The following TLCD4 variants were observed in gnomAD, a reference collection of about 807,000 sequenced individuals.
The protein encoded by TLCD4 is TLC domain containing 4.
TLCD4 carries 7 observed loss-of-function variants against 24.2 expected under a neutral mutation model. That is an observed-to-expected ratio of 0.29 (90% CI 0.16 to 0.54). The LOEUF is 0.54. Ranked by LOEUF, TLCD4 falls within the 20% of genes least tolerant of loss-of-function variation. The pLI, the probability that TLCD4 is intolerant of heterozygous loss-of-function variation, is 0.95. For missense variants in TLCD4, 259 were observed against 313.9 expected, an observed-to-expected ratio of 0.82 and a Z score of 1.32; for synonymous variants, 103 against 106.4, an observed-to-expected ratio of 0.97 and a Z score of 0.20.
Position 95,160,709 on chromosome 1 carries a change from T to G in TLCD4, c.399+9290T>G, listed in dbSNP as rs534312057. ...CCTAGTTTATTGAGAGTTTTTCGCA[T>G]GAAGGCTGTTGAATTTTGTCGAAGG... On this transcript the variant is annotated intron_variant, in intron 5 of 6. Transcript: ENST00000370203. 2.6e-5 allele frequency among the ~76,000 whole-genome samples: 4 copies of G among 152,368 alleles called. No individual in the cohort carries two copies. In the East Asian group the frequency reaches 7.7e-4, roughly 29 times the overall value.
chr1:95,138,462 A>G (rs1324363225), intron 1 of TLCD4: 1 of 152,194 alleles, frequency 6.6e-6, no homozygotes, highest in Non-Finnish European at 1.5e-5. Flanking sequence ...CAATGGGGAT[A>G]CATTCTAAGA....
At chr1:95,144,505 T>C (rs1677295743) in intron 2 of TLCD4, among the ~76,000 whole-genome samples, 1 of 152,140 alleles carries the variant, frequency 6.6e-6, no homozygotes, top group South Asian at 2.1e-4. Flanking sequence ...TCAGTGCATA[T>C]GAATCTTTTA....
chr1:95,157,986 A>G (rs1218945166), intron 5 of TLCD4, among the ~76,000 whole-genome samples: 1 of 152,126 alleles, frequency 6.6e-6, no homozygotes, highest in Non-Finnish European at 1.5e-5. Flanking sequence ...CACTATCCGT[A>G]TCTTGATTTG....
At position 95,196,878 on chromosome 1, in the gene TLCD4, C is replaced by T. The variant is rs1470896744; in HGVS notation, c.*5010C>T. ...CCTGCTTGGTTTGTTTCTGGTATGA[C>T]TATGTCTACTTTTTATTTAAGGAAT... On this transcript the variant is annotated 3_prime_UTR_variant, in exon 7 of 7. Coordinates refer to ENST00000370203, the MANE Select transcript of TLCD4 (RefSeq NM_152487.3). 3 of 152,024 alleles carry T rather than the reference C, an allele frequency of 2.0e-5. No homozygotes were observed. Among genetic ancestry groups the T allele is most frequent in the Non-Finnish European group, 4.4e-5 (3 of 68,004 alleles). 9.4% of individuals were successfully genotyped at this position (152,024 alleles called of 1,614,324 possible). A position where few individuals can be genotyped will look rare whatever the true frequency, so the allele number is the denominator to read the frequency against.
chr1:95,154,343 C>T (rs1677573634), intron 5 of TLCD4, among the ~76,000 whole-genome samples: 1 of 152,004 alleles, frequency 6.6e-6, no homozygotes, highest in Admixed American at 6.6e-5. Flanking sequence ...CCAGTCTAAT[C>T]TCCTTGTCAA....
At chr1:95,167,271 A>C (rs1462981293) in intron 5 of TLCD4, among the ~76,000 whole-genome samples, 1 of 152,132 alleles carries the variant, frequency 6.6e-6, no homozygotes, top group African/African-American at 2.4e-5. Flanking sequence ...TATTGTCATT[A>C]ACTGTCTCCG....
At chr1:95,124,453 C>T (rs925307142) in intron 1 of TLCD4, among the ~76,000 whole-genome samples, 8 of 152,118 alleles carry the variant, frequency 5.3e-5, no homozygotes, top group African/African-American at 1.7e-4. Context: ...TTTGCAATGG[C>T]CACATCCTGA....
chr1:95,130,067 T>TTTA lies in TLCD4; in HGVS notation c.-12+12452_-12+12454dup, dbSNP rs1434513941. Among the ~76,000 whole-genome samples the TTTA allele has an allele frequency of 7.2e-5, 11 of 152,346 alleles. No individual in the cohort carries two copies. The East Asian group carries it at 1.9e-3, about 27-fold the overall frequency. ...ACTATAACTGCAGTTAGCTGAGAGCTTTATATACATTCTTTTAGATGCTTA... is the reference window on the plus strand; with the variant it reads ...ACTATAACTGCAGTTAGCTGAGAGCTTTATTATATACATTCTTTTAGATGCTTA... On this transcript the variant is annotated intron_variant, in intron 1 of 6. Coordinates refer to ENST00000370203, the MANE Select transcript of TLCD4 (RefSeq NM_152487.3).
At chr1:95,124,289 A>G (rs1676651772) in intron 1 of TLCD4, among the ~76,000 whole-genome samples, 1 of 152,228 alleles carries the variant, frequency 6.6e-6, no homozygotes, top group Admixed American at 6.5e-5. Context: ...AGTTCTGGCT[A>G]TAAGCTTTCC....
At chr1:95,100,895 C>T in the TLCD4 span, among the ~76,000 whole-genome samples, 1 of 146,392 alleles carries the variant, frequency 6.8e-6, no homozygotes, top group Non-Finnish European at 1.5e-5. Context: ...ATTTATGCAA[C>T]TCAAAGGTCT....
intron 1 of TLCD4, among the ~76,000 whole-genome samples, chr1:95,136,804 A>G (rs1255415779): frequency 6.6e-6 from 1 of 152,312 alleles, no homozygotes; most frequent in East Asian, 1.9e-4. Context: ...AGGTATAGGA[A>G]GGAATCCAGG....
At chr1:95,131,601 G>T in intron 1 of TLCD4, among the ~76,000 whole-genome samples, 1 of 152,258 alleles carries the variant, frequency 6.6e-6, no homozygotes, top group Non-Finnish European at 1.5e-5. Flanking sequence ...CCAGTTTGGA[G>T]ACAGTCCAGA....
At chr1:95,158,239 G>A (rs137873931) in intron 5 of TLCD4, among the ~76,000 whole-genome samples, 1 of 146,358 alleles carries the variant, frequency 6.8e-6, no homozygotes, top group African/African-American at 2.6e-5. Flanking sequence ...CCAGGCTGGA[G>A]TGCAGTGGCA....
chr1:95,097,273 A>G, the TLCD4 span, among the ~76,000 whole-genome samples: 1 of 152,232 alleles, frequency 6.6e-6, no homozygotes, highest in Non-Finnish European at 1.5e-5. Context: ...AGATTATTGT[A>G]AACTGTAGTG....
At chr1:95,101,409 A>C in the TLCD4 span, among the ~76,000 whole-genome samples, 1 of 93,506 alleles carries the variant, frequency 1.1e-5, no homozygotes, top group African/African-American at 3.8e-5. Context: ...TGACTAATTA[A>C]AGTGTGTGTG....
chr1:95,125,176 T>C (rs1267023348), intron 1 of TLCD4, among the ~76,000 whole-genome samples: 2 of 152,202 alleles, frequency 1.3e-5, no homozygotes, highest in Non-Finnish European at 2.9e-5. Flanking sequence ...TTCTTCATTA[T>C]CAAGTCTGTG....
intron 5 of TLCD4, among the ~76,000 whole-genome samples, chr1:95,160,213 G>A (rs890749998): frequency 1.6e-4 from 24 of 152,222 alleles, no homozygotes; most frequent in African/African-American, 5.8e-4. Flanking sequence ...CCTTGAAGAG[G>A]TCCTTCACAT....
chr1:95,161,597 G>A (rs1677810233), intron 5 of TLCD4, among the ~76,000 whole-genome samples: 1 of 152,130 alleles, frequency 6.6e-6, no homozygotes, highest in Admixed American at 6.6e-5. Context: ...TGATGTTAGG[G>A]TGTCAATTTT....
Position 95,163,946 on chromosome 1 carries a change from G to T in TLCD4, c.400-9870G>T, listed in dbSNP as rs148438629. ...GTGCCTACCAGTTAGGCTACTCAGG[G>T]GTCAGGGGTCCACTTGAGGAGGTAG... On this transcript the variant is annotated intron_variant, in intron 5 of 6. Transcript: ENST00000370203. 850 of 152,412 alleles carry T rather than the reference G, an allele frequency of 5.6e-3. 4 individuals carry two copies. Among genetic ancestry groups the T allele is most frequent in the South Asian group, 0.016 (79 of 4,824 alleles). The allele number at this position is 152,412 out of a possible 1,614,324, so 9.4% of individuals were successfully genotyped here.
Sources: gnomAD v4.1 joint callset for allele counts (sites outside exome capture counted in the v4.1 genomes callset) on GRCh38, gnomAD v4.1.1 for gene constraint, MANE v1.5 for transcripts, NCBI Gene and HGNC (gene_info 2026-07-23, HGNC 2026-07-21) for gene names.